KIF26B: variants seen among roughly 807,000 people sequenced by gnomAD.
KIF26B encodes kinesin family member 26B, also known as kinesin-like protein KIF26B.
KIF26B carries 63 observed loss-of-function variants against 151.2 expected under a neutral mutation model. The ratio of observed to expected loss-of-function variants is 0.42; its 90% CI spans 0.34 to 0.51. The LOEUF is 0.51. KIF26B is among the 20% of genes least tolerant of loss of function. KIF26B has a pLI of 0.07. For synonymous variants in KIF26B, 1,357 were observed against 1,262.1 expected, an observed-to-expected ratio of 1.08 and a Z score of -1.59; for missense variants, 2,813 against 2,913.6, an observed-to-expected ratio of 0.97 and a Z score of 0.79.
At chr1:245,566,199 A>G (rs1044401174) in intron 5 of KIF26B, among the ~76,000 whole-genome samples, 1 of 152,224 alleles carries the variant, frequency 6.6e-6, no homozygotes, top group African/African-American at 2.4e-5. Flanking sequence ...AGTGCATGCC[A>G]GATGATTTTT....
intron 2 of KIF26B, among the ~76,000 whole-genome samples, chr1:245,208,462 G>C (rs1669450225): frequency 6.6e-6 from 1 of 152,156 alleles, no homozygotes; most frequent in Non-Finnish European, 1.5e-5. Context: ...GAGTGGGATT[G>C]AGTTAGCCTC....
chr1:245,169,336 T>TGTGG, intron 2 of KIF26B, among the ~76,000 whole-genome samples: 1 of 13,818 alleles, frequency 7.2e-5, no homozygotes, highest in Admixed American at 5.4e-4. Context: ...ATGGTGTGTG[T>TGTGG]GTGTGTGTGT....
intron 2 of KIF26B, among the ~76,000 whole-genome samples, chr1:245,343,873 GA>G (rs1307680563): frequency 6.6e-6 from 1 of 152,220 alleles, no homozygotes; most frequent in Non-Finnish European, 1.5e-5. Flanking sequence ...TGTCACAACT[GA>G]TGAAGGTAAC....
At chr1:245,439,360 A>AAAAAG (rs1208781846) in intron 4 of KIF26B, among the ~76,000 whole-genome samples, 124 of 151,530 alleles carry the variant, frequency 8.2e-4, no homozygotes, top group African/African-American at 2.8e-3. Context: ...AAAAAAAAAA[A>AAAAAG]AAAGAAAAAA....
At chr1:245,211,256 C>T (rs1388066236) in intron 2 of KIF26B, among the ~76,000 whole-genome samples, 1 of 152,188 alleles carries the variant, frequency 6.6e-6, no homozygotes, top group African/African-American at 2.4e-5. Flanking sequence ...GCCTGAGGCT[C>T]TCCCAGTTAG....
chr1:245,598,534 C>G (rs1341798602), intron 5 of KIF26B, among the ~76,000 whole-genome samples: 1 of 152,236 alleles, frequency 6.6e-6, no homozygotes, highest in Admixed American at 6.5e-5. Flanking sequence ...TATCTGTCTG[C>G]TGTGATCACG....
intron 3 of KIF26B, among the ~76,000 whole-genome samples, chr1:245,377,775 A>G (rs1190216935): frequency 1.3e-5 from 2 of 152,148 alleles, no homozygotes; most frequent in Non-Finnish European, 2.9e-5. Context: ...GCTGGTCAGC[A>G]GTGGAGGATT....
Position 245,685,581 on chromosome 1 carries a change from C to T in KIF26B, c.2598C>T (p.Ile866=), listed in dbSNP as rs372870658. ...SSSEQSCDTV[I]YIGPNGTALS... ...GCGAGCAGTCCTGCGACACCGTCATCTACATCGGGCCCAACGGCACGGCCC... is the reference window on the plus strand; with the variant it reads ...GCGAGCAGTCCTGCGACACCGTCATTTACATCGGGCCCAACGGCACGGCCC... Residue 866 remains isoleucine, a synonymous_variant, in exon 12 of 15, where the codon ATC becomes ATT. Coordinates refer to ENST00000407071, the MANE Select transcript of KIF26B (RefSeq NM_018012.4). 2 of 1,613,780 alleles carry T rather than the reference C, an allele frequency of 1.2e-6. No homozygotes were observed. Among genetic ancestry groups the T allele is most frequent in the African/African-American group, 2.7e-5 (2 of 74,934 alleles).
chr1:245,517,911 C>T (rs371700079), intron 4 of KIF26B, among the ~76,000 whole-genome samples: 5 of 144,756 alleles, frequency 3.5e-5, no homozygotes, highest in Admixed American at 2.1e-4. Context: ...CTCACTCTAT[C>T]GCGCAGGCCG....
At chr1:245,332,851 C>T (rs911485646) in intron 2 of KIF26B, among the ~76,000 whole-genome samples, 1 of 152,102 alleles carries the variant, frequency 6.6e-6, no homozygotes, top group Non-Finnish European at 1.5e-5. Flanking sequence ...GCTTTGCTGT[C>T]GATGGCAGAC....
In KIF26B at chr1:245,316,459, A is replaced by G. The variant is rs139012240; in HGVS notation, c.466-50375A>G. Among the ~76,000 whole-genome samples, 57 of 152,030 alleles carry G rather than the reference A, an allele frequency of 3.7e-4. No individual in the cohort carries two copies. In the East Asian group the frequency reaches 0.011, roughly 29 times the overall value. On this transcript the variant is annotated intron_variant, in intron 2 of 14. Coordinates refer to ENST00000407071, the MANE Select transcript of KIF26B (RefSeq NM_018012.4). ...TCTTATTTTGGAAAATTCTTCCCCA[A>G]ATGAGACTAATTTTGGCTCAGTAGA... is the stretch of plus-strand genomic sequence containing the variant.
At chr1:245,435,058 TCCATCCA>T (rs1658876771) in intron 4 of KIF26B, among the ~76,000 whole-genome samples, 1 of 18,264 alleles carries the variant, frequency 5.5e-5, no homozygotes, top group Admixed American at 6.9e-4. Flanking sequence ...CATCTCTCCA[TCCATCCA>T]TCCATCCATC....
At chr1:245,576,340 G>A (rs999195173) in intron 5 of KIF26B, among the ~76,000 whole-genome samples, 9 of 152,082 alleles carry the variant, frequency 5.9e-5, no homozygotes, top group African/African-American at 1.2e-4. Context: ...TTCATAACAC[G>A]TCTCCTGTCT....
chr1:245,376,117 C>A (rs986525375), intron 3 of KIF26B, among the ~76,000 whole-genome samples: 7 of 152,140 alleles, frequency 4.6e-5, no homozygotes, highest in Non-Finnish European at 1.0e-4. Flanking sequence ...GAAGGAGAGA[C>A]TTCACTGAAT....
intron 4 of KIF26B, among the ~76,000 whole-genome samples, chr1:245,485,286 T>C (rs2103070989): frequency 6.6e-6 from 1 of 152,162 alleles, no homozygotes; most frequent in South Asian, 2.1e-4. Flanking sequence ...AACTTGATAG[T>C]GGTGATGGTT....
intron 2 of KIF26B, among the ~76,000 whole-genome samples, chr1:245,291,112 C>T (rs1483540898): frequency 6.6e-6 from 1 of 152,220 alleles, no homozygotes; most frequent in African/African-American, 2.4e-5. Flanking sequence ...CAGAAGTATG[C>T]ATGACCTCTT....
chr1:245,624,338 T>G (rs972735304), intron 9 of KIF26B, among the ~76,000 whole-genome samples: 2 of 152,180 alleles, frequency 1.3e-5, no homozygotes, highest in African/African-American at 2.4e-5. Flanking sequence ...ATGTTTAACT[T>G]TTTAAGAAAT....
chr1:245,165,471 A>T (rs1378581910), intron 2 of KIF26B, among the ~76,000 whole-genome samples: 1 of 152,184 alleles, frequency 6.6e-6, no homozygotes, highest in African/African-American at 2.4e-5. Flanking sequence ...GAATGGTCCA[A>T]TGGGCTCCTG....
intron 2 of KIF26B, among the ~76,000 whole-genome samples, chr1:245,299,157 C>T (rs968711459): frequency 2.0e-5 from 3 of 152,136 alleles, no homozygotes; most frequent in African/African-American, 4.8e-5. Context: ...TTTGAACAGG[C>T]GCATTGTTTT....
Sources: allele counts gnomAD v4.1 joint callset (sites outside exome capture counted in the v4.1 genomes callset), GRCh38; gene constraint gnomAD v4.1.1; transcripts MANE v1.5; gene names NCBI Gene and HGNC (gene_info 2026-07-23, HGNC 2026-07-21).